The following CACNA2D1 variants were observed in gnomAD, a reference collection of about 807,000 sequenced individuals.
CACNA2D1 encodes calcium voltage-gated channel auxiliary subunit alpha2delta 1.
CACNA2D1 carries 53 observed loss-of-function variants against 171.5 expected under a neutral mutation model. The observed-to-expected ratio is 0.31, with a 90% CI of 0.25 to 0.39. The LOEUF is 0.39. Among genes scored for constraint, CACNA2D1 ranks in the 10% least tolerant of loss-of-function variants. The pLI, the probability that CACNA2D1 is intolerant of heterozygous loss-of-function variation, is 1.00. For synonymous variants in CACNA2D1, 442 were observed against 443.1 expected, an observed-to-expected ratio of 1.00 and a Z score of 0.03; for missense variants, 903 against 1,299.8, an observed-to-expected ratio of 0.69 and a Z score of 4.69.
intron 3 of CACNA2D1, among the ~76,000 whole-genome samples, chr7:82,251,694 G>A (rs1294523454): frequency 6.6e-6 from 1 of 152,048 alleles, no homozygotes; most frequent in Non-Finnish European, 1.5e-5. Context: ...TTCATTTTCA[G>A]AGCCATACAT....
chr7:82,239,606 ATAT>A (rs1804012628), intron 3 of CACNA2D1, among the ~76,000 whole-genome samples: 1 of 152,228 alleles, frequency 6.6e-6, no homozygotes, highest in Non-Finnish European at 1.5e-5. Context: ...ACAAGGAATA[ATAT>A]TATCAATATC....
intron 12 of CACNA2D1, among the ~76,000 whole-genome samples, chr7:82,022,393 T>A (rs1801342856): frequency 6.6e-6 from 1 of 151,912 alleles, no homozygotes. Flanking sequence ...ATTCTAAAGC[T>A]AAAAATTTAA....
chr7:82,340,338 T>G (rs918862275), intron 2 of CACNA2D1, among the ~76,000 whole-genome samples: 26 of 150,064 alleles, frequency 1.7e-4, no homozygotes, highest in African/African-American at 5.9e-4. Flanking sequence ...AAGTTTGTTT[T>G]TTGTTTTTTT....
At chr7:82,278,166 G>A (rs764987735) in intron 3 of CACNA2D1, among the ~76,000 whole-genome samples, 18 of 152,048 alleles carry the variant, frequency 1.2e-4, no homozygotes, top group Non-Finnish European at 1.8e-4. Flanking sequence ...ATAAAAATAG[G>A]AGATTGTCTG....
intron 3 of CACNA2D1, among the ~76,000 whole-genome samples, chr7:82,179,329 G>A (rs1796879290): frequency 6.6e-6 from 1 of 152,006 alleles, no homozygotes; most frequent in Admixed American, 6.6e-5. Context: ...ATGGACTGTG[G>A]AGAGGAAAAA....
chr7:82,009,370 A>G (rs757793149), intron 15 of CACNA2D1: 24 of 152,302 alleles, frequency 1.6e-4, no homozygotes, highest in Admixed American at 7.2e-4. Context: ...TGGCGCTTAT[A>G]AAGTCCTAAC....
Position 81,959,958 on chromosome 7 carries a change from C to A in CACNA2D1, c.2967-129G>T, listed in dbSNP as rs924914816. On this transcript the variant is annotated intron_variant, in intron 36 of 38. Transcript: ENST00000356860. ...TCTGAAACAGAAACCATTCCCAGCA[C>A]AATAGGAGTATGATTTTAGAAGAAA... is the stretch of plus-strand genomic sequence containing the variant. 10 of 1,371,706 alleles carry A rather than the reference C, an allele frequency of 7.3e-6. No individual in the cohort carries two copies. The Middle Eastern group carries it at 1.0e-3, about 138-fold the overall frequency. The allele number at this position is 1,371,706 out of a possible 1,614,324, so 85.0% of individuals were successfully genotyped here. A position where few individuals can be genotyped will look rare whatever the true frequency, so the allele number is the denominator to read the frequency against.
intron 12 of CACNA2D1, among the ~76,000 whole-genome samples, chr7:82,023,395 G>C (rs990736684): frequency 6.6e-6 from 1 of 151,622 alleles, no homozygotes; most frequent in South Asian, 2.1e-4. Context: ...CAAACCTTTT[G>C]GCCTCATTAA....
chr7:82,171,787 A>C (rs1199955127), intron 3 of CACNA2D1, among the ~76,000 whole-genome samples: 1 of 152,134 alleles, frequency 6.6e-6, no homozygotes, highest in East Asian at 1.9e-4. Context: ...TAAATATACT[A>C]AACTCACTTA....
intron 12 of CACNA2D1, among the ~76,000 whole-genome samples, chr7:82,016,452 T>C (rs912261092): frequency 6.6e-6 from 1 of 151,886 alleles, no homozygotes; most frequent in South Asian, 2.1e-4. Flanking sequence ...TAAAATACTT[T>C]TCAGTAAAAA....
chr7:82,171,660 T>C (rs546014386), intron 3 of CACNA2D1, among the ~76,000 whole-genome samples: 23 of 152,258 alleles, frequency 1.5e-4, no homozygotes, highest in Non-Finnish European at 2.5e-4. Flanking sequence ...AGAGTAATGG[T>C]TCTGTTTTCT....
Position 82,032,995 on chromosome 7 carries a change from GTA to G in CACNA2D1, c.1039-96_1039-95del. 5.4e-6 allele frequency: 4 copies of G among 742,370 alleles called. No homozygotes were observed. The African/African-American group carries it at 7.0e-5, about 13-fold the overall frequency. 46.0% of individuals were successfully genotyped at this position (742,370 alleles called of 1,614,324 possible). ...TGGAACGAGCATGAGCAGGTTGCAA[GTA>G]ATTAATGAAATATCTGCTCACAAAA... On this transcript the variant is annotated intron_variant, in intron 11 of 38. Transcript: ENST00000356860.
intron 24 of CACNA2D1, among the ~76,000 whole-genome samples, chr7:81,982,051 G>A (rs773168123): frequency 1.9e-4 from 29 of 152,124 alleles, no homozygotes; most frequent in Non-Finnish European, 3.7e-4. Flanking sequence ...ACTGTTGGAA[G>A]CACTGTTTGT....
chr7:82,039,657 T>C (rs1005080692), intron 10 of CACNA2D1, among the ~76,000 whole-genome samples: 3 of 152,184 alleles, frequency 2.0e-5, no homozygotes, highest in Admixed American at 6.5e-5. Context: ...GAGAGGCATT[T>C]CTAATTTGGA....
chr7:82,041,282 A>C (rs1803935184), intron 10 of CACNA2D1, among the ~76,000 whole-genome samples: 1 of 152,220 alleles, frequency 6.6e-6, no homozygotes, highest in Admixed American at 6.5e-5. Context: ...GTAAAAAATA[A>C]AGCTCGTCGA....
rs1216730534 is a variant in CACNA2D1 at position 82,130,137 on chromosome 7, A to C, written c.396+6498T>G. 2.0e-5 allele frequency among the ~76,000 whole-genome samples: 3 copies of C among 152,202 alleles called. No individual in the cohort carries two copies. In the East Asian group the frequency reaches 5.8e-4, roughly 29 times the overall value. ...GAAGCTTTAATATGAACTTAGATTT[A>C]TTGGGAAAGAAAGTTTGAGTGATTA... is the stretch of plus-strand genomic sequence containing the variant. On this transcript the variant is annotated intron_variant, in intron 5 of 38. Transcript: ENST00000356860.
At chr7:81,962,551 A>C in intron 34 of CACNA2D1, 56 bp from the exon 35 acceptor site, 1 of 1,042,226 alleles carries the variant, frequency 9.6e-7, no homozygotes, top group Non-Finnish European at 1.5e-6. Context: ...GTGTTTTTAC[A>C]TGTACCCATA....
At chr7:82,130,808 T>C (rs1177701438) in intron 5 of CACNA2D1, among the ~76,000 whole-genome samples, 1 of 124,252 alleles carries the variant, frequency 8.0e-6, no homozygotes, top group African/African-American at 2.8e-5. Flanking sequence ...TTTTTTTTTT[T>C]TTTTTTGAGA....
chr7:82,073,500 ACTAT>A (rs1343156441), intron 7 of CACNA2D1, among the ~76,000 whole-genome samples: 3 of 152,222 alleles, frequency 2.0e-5, no homozygotes, highest in Non-Finnish European at 4.4e-5. Context: ...GGTAAAATTC[ACTAT>A]CTATTGTAAT....
Sources: gnomAD v4.1 joint callset for allele counts (sites outside exome capture counted in the v4.1 genomes callset) on GRCh38, gnomAD v4.1.1 for gene constraint, MANE v1.5 for transcripts, NCBI Gene and HGNC (gene_info 2026-07-23, HGNC 2026-07-21) for gene names.